Variants in CNDP1 observed in about 807,000 individuals in gnomAD.
CNDP1 encodes the protein beta-Ala-His dipeptidase.
A neutral mutation model predicts 58.1 loss-of-function variants in CNDP1; 44 were observed. The ratio of observed to expected loss-of-function variants is 0.76; its 90% CI spans 0.60 to 0.97. CNDP1 has a LOEUF of 0.97. Among genes scored for constraint, CNDP1 ranks in the 50% least tolerant of loss-of-function variants. The pLI, the probability that CNDP1 is intolerant of heterozygous loss-of-function variation, is 0.00. For missense variants in CNDP1, 616 were observed against 655.1 expected, an observed-to-expected ratio of 0.94 and a Z score of 0.65; for synonymous variants, 254 against 252.6, an observed-to-expected ratio of 1.01 and a Z score of -0.05.
Position 74,560,780 on chromosome 18 carries a change from C to T in CNDP1, c.304-76C>T, listed in dbSNP as rs75541886. 6,914 of 1,365,278 alleles carry T rather than the reference C, an allele frequency of 5.1e-3. 256 individuals are homozygous for T. In the African/African-American group the frequency reaches 0.084, roughly 17 times the overall value. The allele number at this position is 1,365,278 out of a possible 1,614,324, so 84.6% of individuals were successfully genotyped here. ...GTTTCTCCCAATGTCAAACAAGACTCCCAATGTCATGTCTTTGAATTTTCT... is the reference window on the plus strand; with the variant it reads ...GTTTCTCCCAATGTCAAACAAGACTTCCAATGTCATGTCTTTGAATTTTCT... On this transcript the variant is annotated intron_variant, in intron 3 of 11. Coordinates refer to ENST00000358821, the MANE Select transcript of CNDP1 (RefSeq NM_032649.6).
chr18:74,542,697 T>C (rs1980656145), intron 1 of CNDP1, among the ~76,000 whole-genome samples: 2 of 152,244 alleles, frequency 1.3e-5, no homozygotes, highest in South Asian at 4.1e-4. Context: ...GGCTAAGTTT[T>C]AAAATCTGAT....
In CNDP1 at chr18:74,534,664, C is replaced by G. The variant is rs200250411; in HGVS notation, c.-4C>G. ...GTTGCTAGAGGCTTCAGAACTCCAG[C>G]CTAATGGATCCCAAACTCGGGAGAA... On this transcript the variant is annotated 5_prime_UTR_variant, in exon 1 of 12. Coordinates refer to ENST00000358821, the MANE Select transcript of CNDP1 (RefSeq NM_032649.6). The G allele has an allele frequency of 2.9e-4, 462 of 1,613,976 alleles. No individual in the cohort carries two copies. Among genetic ancestry groups the G allele is most frequent in the Non-Finnish European group, 3.5e-4 (408 of 1,179,988 alleles).
chr18:74,577,070 G>A (rs1981653627), intron 8 of CNDP1, 41 bp downstream of exon 8: 1 of 1,546,702 alleles, frequency 6.5e-7, no homozygotes, highest in Non-Finnish European at 8.8e-7. Flanking sequence ...AGAGGCATGA[G>A]GCTAGTATAT....
At chr18:74,561,344 C>T (rs56368516) in intron 4 of CNDP1, 8,334 of 193,860 alleles carry the variant, frequency 0.043, 251 homozygotes, top group Non-Finnish European at 0.064. Flanking sequence ...ACCTGGGAGG[C>T]GGAGGTTGCA....
chr18:74,537,108 T>A (rs1340890511), intron 1 of CNDP1, among the ~76,000 whole-genome samples: 1 of 152,264 alleles, frequency 6.6e-6, no homozygotes, highest in Admixed American at 6.5e-5. Flanking sequence ...GTTGATAGTT[T>A]CTTTTACTGT....
At chr18:74,550,815 T>C (rs1980886374) in intron 1 of CNDP1, among the ~76,000 whole-genome samples, 1 of 151,918 alleles carries the variant, frequency 6.6e-6, no homozygotes, top group Non-Finnish European at 1.5e-5. Flanking sequence ...TTAGCCAGGA[T>C]GGTCTCGATC....
intron 6 of CNDP1, among the ~76,000 whole-genome samples, chr18:74,570,510 T>G (rs1272782824): frequency 6.6e-6 from 1 of 152,176 alleles, no homozygotes; most frequent in African/African-American, 2.4e-5. Context: ...AGTGGAAGAA[T>G]GTGTTTGGCT....
intron 8 of CNDP1, 126 bp downstream of exon 8, chr18:74,577,155 C>T: frequency 1.1e-6 from 1 of 909,294 alleles, no homozygotes; most frequent in Non-Finnish European, 1.6e-6. Flanking sequence ...ATGTGAATTC[C>T]CAGGCATATT....
At chr18:74,558,179 C>A (rs1363724883) in intron 2 of CNDP1, among the ~76,000 whole-genome samples, 2 of 152,126 alleles carry the variant, frequency 1.3e-5, no homozygotes, top group Non-Finnish European at 2.9e-5. Context: ...GAAGAGAAGT[C>A]CAAGATCAGT....
chr18:74,578,129 TA>T (rs755128049), intron 8 of CNDP1, 33 bp from the exon 9 acceptor site: 3 of 1,584,636 alleles, frequency 1.9e-6, no homozygotes, highest in African/African-American at 2.7e-5. Context: ...GGGTTCTAAT[TA>T]AGCATCCTTT....
chr18:74,561,121 T>C, intron 4 of CNDP1, 103 bp downstream of exon 4: 1 of 1,403,948 alleles, frequency 7.1e-7, no homozygotes, highest in Non-Finnish European at 9.7e-7. Context: ...TCCCTGTCAT[T>C]AAGAATGCAT....
chr18:74,581,171 A>C (rs1981779648), intron 10 of CNDP1, among the ~76,000 whole-genome samples: 2 of 151,778 alleles, frequency 1.3e-5, no homozygotes, highest in South Asian at 4.2e-4. Context: ...GTTGAAAATG[A>C]GACCCATTAT....
intron 6 of CNDP1, among the ~76,000 whole-genome samples, chr18:74,569,894 A>G (rs1981427497): frequency 6.6e-6 from 1 of 152,078 alleles, no homozygotes; most frequent in Non-Finnish European, 1.5e-5. Context: ...TTTACCATCA[A>G]GAGAGAAGGA....
chr18:74,568,131 A>G (rs1176132401), intron 6 of CNDP1, among the ~76,000 whole-genome samples: 1 of 152,186 alleles, frequency 6.6e-6, no homozygotes, highest in Non-Finnish European at 1.5e-5. Flanking sequence ...CCGGGTAAAT[A>G]GCTAATTATT....
At chr18:74,582,201 A>G (rs1357698283) in intron 10 of CNDP1, among the ~76,000 whole-genome samples, 3 of 152,214 alleles carry the variant, frequency 2.0e-5, no homozygotes, top group African/African-American at 7.2e-5. Flanking sequence ...AATGCATAAG[A>G]CACCTTTCGG....
At chr18:74,575,867 A>ATTT (rs34962477) in intron 7 of CNDP1, among the ~76,000 whole-genome samples, 9 of 94,772 alleles carry the variant, frequency 9.5e-5, no homozygotes, top group South Asian at 4.0e-4. Context: ...GTGTGTATAC[A>ATTT]TTTTTTTTTT....
intron 1 of CNDP1, among the ~76,000 whole-genome samples, chr18:74,535,941 A>G (rs1420805244): frequency 2.0e-5 from 3 of 152,096 alleles, no homozygotes; most frequent in Non-Finnish European, 4.4e-5. Context: ...CCAAGGTGGG[A>G]GGATGGCTTG....
chr18:74,534,792 C>A, intron 1 of CNDP1, 101 bp downstream of exon 1: 1 of 1,335,926 alleles, frequency 7.5e-7, no homozygotes, highest in Non-Finnish European at 1.1e-6. Context: ...GGCAGGCACC[C>A]AGCGTGGCCC....
chr18:74,537,035 A>G (rs1469573559), intron 1 of CNDP1, among the ~76,000 whole-genome samples: 1 of 152,096 alleles, frequency 6.6e-6, no homozygotes, highest in African/African-American at 2.4e-5. Context: ...TGGATATTAG[A>G]TCTTGGTCAG....
Sources: allele counts gnomAD v4.1 joint callset (sites outside exome capture counted in the v4.1 genomes callset), GRCh38; gene constraint gnomAD v4.1.1; transcripts MANE v1.5; gene names NCBI Gene and HGNC (gene_info 2026-07-23, HGNC 2026-07-21).